Variants in DACH2 observed in about 807,000 individuals in gnomAD.
DACH2 encodes dachshund homolog 2.
In DACH2, 17 loss-of-function variants were observed where a neutral mutation model predicts 35.8. The ratio of observed to expected loss-of-function variants is 0.48; its 90% CI spans 0.33 to 0.71. DACH2 has a LOEUF of 0.71. Among genes scored for constraint, DACH2 ranks in the 30% least tolerant of loss-of-function variants. The probability of loss-of-function intolerance (pLI) is 0.02; values close to 1 mark genes in which losing one functional copy is unlikely to be tolerated. For synonymous variants in DACH2, 195 were observed against 177.3 expected (o/e 1.10, Z -0.79); for missense variants, 469 against 472.7 (o/e 0.99, Z 0.07).
At chrX:86,414,570 A>G (rs1305828718) in intron 2 of DACH2, among the ~76,000 whole-genome samples, 1 of 111,263 alleles carries the variant, frequency 9.0e-6, no homozygotes, top group Non-Finnish European at 1.9e-5. Flanking sequence ...TCACAAATCT[A>G]TTTCACAAGG....
intron 3 of DACH2, among the ~76,000 whole-genome samples, chrX:86,545,260 A>G (rs978839728): frequency 8.9e-6 from 1 of 112,113 alleles, no homozygotes; most frequent in African/African-American, 3.2e-5. Context: ...AGTAACATGG[A>G]TGGAGTTGGT....
At chrX:86,787,347 T>C (rs2042146749) in intron 7 of DACH2, among the ~76,000 whole-genome samples, 1 of 110,676 alleles carries the variant, frequency 9.0e-6, no homozygotes, top group South Asian at 3.8e-4. Flanking sequence ...CATCCAGGGG[T>C]GGTGGCTCAG....
At chrX:86,243,497 T>A (rs909503968) in intron 1 of DACH2, among the ~76,000 whole-genome samples, 1 of 112,116 alleles carries the variant, frequency 8.9e-6, no homozygotes, top group African/African-American at 3.2e-5. Context: ...AGATAGTTTC[T>A]CTGTCAGTTT....
At chrX:86,468,940 T>C (rs1381766656) in intron 2 of DACH2, among the ~76,000 whole-genome samples, 1 of 111,682 alleles carries the variant, frequency 9.0e-6, no homozygotes, top group Non-Finnish European at 1.9e-5. Context: ...TAGCCAAATA[T>C]GGAATCAAGT....
At chrX:86,748,192 T>C (rs749162434) in intron 7 of DACH2, among the ~76,000 whole-genome samples, 54 of 112,291 alleles carry the variant, frequency 4.8e-4, no homozygotes, top group African/African-American at 1.7e-3. Context: ...CCACAAGGGT[T>C]GGAATAAACT....
intron 1 of DACH2, among the ~76,000 whole-genome samples, chrX:86,155,747 C>A (rs1450139624): frequency 9.0e-6 from 1 of 110,561 alleles, no homozygotes; most frequent in Non-Finnish European, 1.9e-5. Context: ...GATGTAGATC[C>A]TCTTTGAAAG....
chrX:86,295,257 A>C (rs1398230633), intron 1 of DACH2, among the ~76,000 whole-genome samples: 1 of 112,192 alleles, frequency 8.9e-6, no homozygotes, highest in African/African-American at 3.2e-5. Flanking sequence ...AAGTGAGGCA[A>C]TGCCTCGCCC....
chrX:86,225,413 G>A (rs1569308231), intron 1 of DACH2, among the ~76,000 whole-genome samples: 1 of 110,847 alleles, frequency 9.0e-6, no homozygotes. Flanking sequence ...AATTTATCCT[G>A]GGAATTACCT....
chrX:86,524,503 A>G (rs143920435), intron 3 of DACH2, among the ~76,000 whole-genome samples: 167 of 112,210 alleles, frequency 1.5e-3, no homozygotes, highest in African/African-American at 5.1e-3. Flanking sequence ...CCAGAGTTTG[A>G]ATTACTAATA....
chrX:86,634,997 C>T (rs998570580), intron 3 of DACH2, among the ~76,000 whole-genome samples: 4 of 111,391 alleles, frequency 3.6e-5, no homozygotes, highest in Non-Finnish European at 5.7e-5. Flanking sequence ...GAAGGAGGGA[C>T]TCCTCCCTAA....
At chrX:86,213,581 T>C (rs1801571697) in intron 1 of DACH2, among the ~76,000 whole-genome samples, 1 of 111,244 alleles carries the variant, frequency 9.0e-6, no homozygotes, top group Non-Finnish European at 1.9e-5. Flanking sequence ...CCTTGCCTTC[T>C]GTGACAAAAT....
chrX:86,615,560 C>T (rs149855408), intron 3 of DACH2, among the ~76,000 whole-genome samples: 10 of 111,245 alleles, frequency 9.0e-5, no homozygotes, highest in African/African-American at 3.3e-4. Flanking sequence ...CTGCCTTACT[C>T]AGCACAGTAA....
chrX:86,251,312 C>T, intron 1 of DACH2, among the ~76,000 whole-genome samples: 1 of 111,299 alleles, frequency 9.0e-6, no homozygotes, highest in Non-Finnish European at 1.9e-5. Flanking sequence ...TGTTTGGAAT[C>T]TTCTCTGTTA....
At chrX:86,328,678 T>G (rs2035159125) in intron 1 of DACH2, among the ~76,000 whole-genome samples, 1 of 111,815 alleles carries the variant, frequency 8.9e-6, no homozygotes, top group South Asian at 3.7e-4. Flanking sequence ...TGTTCTGAAG[T>G]CTGCTTCCAT....
At chrX:86,775,799 A>T (rs897914575) in intron 7 of DACH2, among the ~76,000 whole-genome samples, 10 of 112,328 alleles carry the variant, frequency 8.9e-5, no homozygotes, top group African/African-American at 3.2e-4. Context: ...TTTTTTAAAA[A>T]ATGTGACAAC....
chrX:86,638,306 A>T (rs1428045344), intron 3 of DACH2, among the ~76,000 whole-genome samples: 4 of 112,127 alleles, frequency 3.6e-5, no homozygotes, highest in African/African-American at 1.3e-4. Context: ...AATTATAAAA[A>T]TATCCGAAGA....
At chrX:86,180,194 A>ATATATATG (rs1279029927) in intron 1 of DACH2, among the ~76,000 whole-genome samples, 1 of 84,723 alleles carries the variant, frequency 1.2e-5, no homozygotes, top group African/African-American at 4.5e-5. Flanking sequence ...ATATATATAT[A>ATATATATG]TATATATATA....
At chrX:86,718,242 T>C (rs2041360503) in intron 6 of DACH2, among the ~76,000 whole-genome samples, 1 of 111,872 alleles carries the variant, frequency 8.9e-6, no homozygotes, top group African/African-American at 3.2e-5. Context: ...GTTTCTCTGA[T>C]AATTAGTGAT....
At chrX:86,824,634 C>T (rs996408115) in intron 11 of DACH2, among the ~76,000 whole-genome samples, 1 of 112,040 alleles carries the variant, frequency 8.9e-6, no homozygotes, top group Non-Finnish European at 1.9e-5. Context: ...AATTTATGTT[C>T]CTCTGCCACG....
Sources: allele counts gnomAD v4.1 joint callset (sites outside exome capture counted in the v4.1 genomes callset), GRCh38; gene constraint gnomAD v4.1.1; transcripts MANE v1.5; gene names NCBI Gene and HGNC (gene_info 2026-07-23, HGNC 2026-07-21).